SHC4: variants seen among roughly 807,000 people sequenced by gnomAD.
SHC4 encodes SHC adaptor protein 4.
A neutral mutation model predicts 69.4 loss-of-function variants in SHC4; 41 were observed. The observed-to-expected ratio is 0.59, with a 90% confidence interval of 0.46 to 0.77. The LOEUF (loss-of-function observed/expected upper bound fraction) is 0.77, where lower values mean the gene tolerates loss of function less well. Ranked by LOEUF, SHC4 falls within the 30% of genes least tolerant of loss-of-function variation. The probability of loss-of-function intolerance (pLI) is 0.00; values close to 1 mark genes in which losing one functional copy is unlikely to be tolerated. For missense variants in SHC4, 777 were observed against 783.8 expected, an observed-to-expected ratio of 0.99 and a Z score of 0.10; for synonymous variants, 318 against 299.3, an observed-to-expected ratio of 1.06 and a Z score of -0.64.
rs1898658082 is a variant in SHC4 at position 48,824,985 on chromosome 15, A to G, written c.*986T>C. ...TATCTATACGAGGTGCTAAGGATAT[A>G]TGTAGGTGAGAAACTATGATTCAGT... On this transcript the variant is annotated 3_prime_UTR_variant, in exon 12 of 12. Transcript: ENST00000332408. 1 of 152,380 alleles carries G rather than the reference A, an allele frequency of 6.6e-6. No homozygotes were observed. The highest frequency in any genetic ancestry group is 2.1e-4 in the South Asian group (1 of 4,818). The allele number at this position is 152,380 out of a possible 1,614,324, so 9.4% of individuals were successfully genotyped here.
rs766504485 is a variant in SHC4, at chr15:48,834,793, A to G, written c.1713T>C (p.Leu571=). The G allele has an allele frequency of 8.1e-6, 13 of 1,614,040 alleles. No homozygotes were observed. The highest frequency in any genetic ancestry group is 1.1e-5 in the Non-Finnish European group (13 of 1,180,010). The change falls in exon 11 of 12, where the codon CTT becomes CTC. Residue 571 remains leucine (L), a synonymous_variant. Transcript: ENST00000332408. The stretch of plus-strand genomic sequence containing the variant: ...CCTTGCCTTCAGGATCCACCAGGAG[A>G]AGATGTTTTGCTTGGCCTCCCTGTA... ...SGLQGGQAKH[L]LLVDPEGKVR... is the part of the protein sequence containing the mutation.
chr15:48,935,466 T>C (rs1215747424), intron 1 of SHC4, among the ~76,000 whole-genome samples: 2 of 152,202 alleles, frequency 1.3e-5, no homozygotes, highest in Non-Finnish European at 2.9e-5. Flanking sequence ...AATGATTTAT[T>C]TGAATGAACT....
chr15:48,837,362 C>T (rs1898917900), intron 10 of SHC4, among the ~76,000 whole-genome samples: 1 of 152,058 alleles, frequency 6.6e-6, no homozygotes, highest in South Asian at 2.1e-4. Flanking sequence ...GTTTATTTTG[C>T]TTAATTTTAA....
At chr15:48,859,309 GT>G (rs1567054650) in intron 6 of SHC4, among the ~76,000 whole-genome samples, 925 of 40,456 alleles carry the variant, frequency 0.023, 14 homozygotes, top group African/African-American at 0.048. Flanking sequence ...TGAAAGGGGT[GT>G]GTGTGTGTGT....
At chr15:48,852,685 T>C (rs906462907) in intron 8 of SHC4, among the ~76,000 whole-genome samples, 3 of 152,084 alleles carry the variant, frequency 2.0e-5, no homozygotes, top group African/African-American at 7.2e-5. Flanking sequence ...GCAGATCACC[T>C]GAGGTCAGGA....
chr15:48,924,613 G>C (rs2141024561), intron 2 of SHC4, among the ~76,000 whole-genome samples: 1 of 152,222 alleles, frequency 6.6e-6, no homozygotes, highest in South Asian at 2.1e-4. Flanking sequence ...AATACTTTTG[G>C]TACCTGGGAA....
At chr15:48,901,729 C>T (rs1362330701) in intron 2 of SHC4, among the ~76,000 whole-genome samples, 1 of 152,146 alleles carries the variant, frequency 6.6e-6, no homozygotes, top group Non-Finnish European at 1.5e-5. Context: ...TGCAGTTAGC[C>T]AGAGTTCAAA....
At chr15:48,887,657 A>G (rs542531057) in intron 3 of SHC4, among the ~76,000 whole-genome samples, 18 of 152,198 alleles carry the variant, frequency 1.2e-4, no homozygotes, top group Non-Finnish European at 2.5e-4. Context: ...AAAGATTAGA[A>G]CACAGATAAA....
chr15:48,937,407 A>T (rs539378854), intron 1 of SHC4, among the ~76,000 whole-genome samples: 4 of 152,146 alleles, frequency 2.6e-5, no homozygotes, highest in Non-Finnish European at 2.9e-5. Flanking sequence ...CAGAGGTTCA[A>T]TGCTGTGCTC....
At chr15:48,946,311 G>A (rs907415565) in intron 1 of SHC4, among the ~76,000 whole-genome samples, 1 of 152,164 alleles carries the variant, frequency 6.6e-6, no homozygotes, top group Non-Finnish European at 1.5e-5. Context: ...AACCTTTTTG[G>A]AAGTCAGCTG....
intron 3 of SHC4, among the ~76,000 whole-genome samples, chr15:48,885,591 C>G (rs776039259): frequency 6.6e-6 from 1 of 152,148 alleles, no homozygotes; most frequent in Non-Finnish European, 1.5e-5. Flanking sequence ...GCATATGAAT[C>G]AATACTTTAA....
intron 1 of SHC4, among the ~76,000 whole-genome samples, chr15:48,932,151 A>G (rs892195704): frequency 2.6e-5 from 4 of 152,086 alleles, no homozygotes; most frequent in African/African-American, 9.7e-5. Context: ...TTACTAAAAC[A>G]CATATATGGC....
At chr15:48,923,406 C>T (rs780209674) in intron 2 of SHC4, among the ~76,000 whole-genome samples, 6 of 151,762 alleles carry the variant, frequency 4.0e-5, no homozygotes, top group Admixed American at 6.6e-5. Flanking sequence ...TGAAATTAGC[C>T]GGGTGTGGTG....
In SHC4 at chr15:48,962,849, G is replaced by A. The variant is rs142795434; in HGVS notation, c.167C>T (p.Pro56Leu). 194 of 1,612,928 alleles carry A rather than the reference G, an allele frequency of 1.2e-4. 1 individual carries two copies. In the East Asian group the frequency reaches 3.3e-3, roughly 28 times the overall value. Residue 56 changes from proline to leucine, a missense_variant, in exon 1 of 12, where the codon CCG (proline) becomes CTG (leucine). Physicochemically the swap from Pro to Leu is moderately conservative, Grantham distance 98. Transcript: ENST00000332408. The part of the protein sequence containing the change: ...SGGSVGNKGS[P>L]QPPHPALAPH... Reference sequence around the variant, plus strand: ...TGCCAGGGCGGGGTGGGGAGGCTGCGGCGAGCCCTTGTTCCCGACCGAGCC... The same window carrying A: ...TGCCAGGGCGGGGTGGGGAGGCTGCAGCGAGCCCTTGTTCCCGACCGAGCC...
intron 6 of SHC4, among the ~76,000 whole-genome samples, chr15:48,864,573 G>A (rs1278174833): frequency 2.0e-5 from 3 of 147,522 alleles, no homozygotes; most frequent in Admixed American, 6.9e-5. Context: ...TCAGCCTCCC[G>A]AGTAGCTGGG....
At chr15:48,836,558 G>GTT (rs556026477) in intron 10 of SHC4, among the ~76,000 whole-genome samples, 1 of 149,280 alleles carries the variant, frequency 6.7e-6, no homozygotes, top group Non-Finnish European at 1.5e-5. Context: ...CTTTTTTTTT[G>GTT]TTTTTTTTTA....
At chr15:48,943,258 T>C (rs1285906513) in intron 1 of SHC4, among the ~76,000 whole-genome samples, 1 of 152,148 alleles carries the variant, frequency 6.6e-6, no homozygotes, top group Non-Finnish European at 1.5e-5. Context: ...CTCACCATTT[T>C]CTCCCGCTCC....
intron 11 of SHC4, among the ~76,000 whole-genome samples, chr15:48,827,546 A>ATTT (rs1353877058): frequency 3.6e-5 from 2 of 56,016 alleles, no homozygotes; most frequent in African/African-American, 5.5e-5. Context: ...TCTTCTTTGT[A>ATTT]TTTCTTCTGC....
chr15:48,834,873 C>G lies in SHC4; in HGVS notation c.1633G>C (p.Asp545His), dbSNP rs1344279035. Residue 545 changes from aspartate to histidine, a missense_variant, in exon 11 of 12, where the codon GAC (aspartate) becomes CAC (histidine). Physicochemically the swap from Asp to His is moderately conservative, Grantham distance 81. Coordinates refer to ENST00000332408, the MANE Select transcript of SHC4 (RefSeq NM_203349.4). ...AAESLLVKDGDFLVRESATSP... is the reference protein window; with the variant it reads ...AAESLLVKDGHFLVRESATSP... ...GTTGCACTCTCTCGAACCAAAAAGT[C>G]CCCATCCTTTACCAAGAGGCTCTCT... is the stretch of plus-strand genomic sequence containing the variant. 2 of 1,614,046 alleles carry G rather than the reference C, an allele frequency of 1.2e-6. No individual in the cohort carries two copies. Among genetic ancestry groups the G allele is most frequent in the African/African-American group, 2.7e-5 (2 of 74,928 alleles).
Sources: gnomAD v4.1 joint callset for allele counts (sites outside exome capture counted in the v4.1 genomes callset) on GRCh38, gnomAD v4.1.1 for gene constraint, MANE v1.5 for transcripts, NCBI Gene and HGNC (gene_info 2026-07-23, HGNC 2026-07-21) for gene names.